TENM2: variants seen among roughly 807,000 people sequenced by gnomAD.
TENM2 encodes the protein teneurin-2.
TENM2 carries 52 observed loss-of-function variants against 245.2 expected under a neutral mutation model. The ratio of observed to expected loss-of-function variants is 0.21; its 90% confidence interval spans 0.17 to 0.27. The LOEUF (loss-of-function observed/expected upper bound fraction) is 0.27. Among genes scored for constraint, TENM2 ranks in the 10% least tolerant of loss-of-function variants. The pLI, the probability that TENM2 is intolerant of heterozygous loss-of-function variation, is 1.00. For synonymous variants in TENM2, 1,363 were observed against 1,438.9 expected, an observed-to-expected ratio of 0.95 and a Z score of 1.19; for missense variants, 3,046 against 3,666.8, an observed-to-expected ratio of 0.83 and a Z score of 4.37.
At chr5:167,936,715 C>T (rs543016957) in intron 3 of TENM2, among the ~76,000 whole-genome samples, 1 of 152,292 alleles carries the variant, frequency 6.6e-6, no homozygotes, top group African/African-American at 2.4e-5. Flanking sequence ...AACACAAATA[C>T]AGGTTTCTGG....
intron 5 of TENM2, among the ~76,000 whole-genome samples, chr5:168,036,424 G>C (rs920270835): frequency 1.3e-5 from 2 of 151,860 alleles, no homozygotes; most frequent in Non-Finnish European, 2.9e-5. Flanking sequence ...ATCACCTGAG[G>C]TCAGGAGTTT....
intron 12 of TENM2, chr5:168,129,682 C>T (rs1754396626): frequency 6.6e-6 from 1 of 152,212 alleles, no homozygotes; most frequent in Non-Finnish European, 1.5e-5. Context: ...TTTAGCTTTT[C>T]TATCTCCGGC....
chr5:167,618,244 T>A (rs1777921027), intron 2 of TENM2, among the ~76,000 whole-genome samples: 1 of 152,116 alleles, frequency 6.6e-6, no homozygotes. Flanking sequence ...GAACCACTTG[T>A]CCAGGGTCAC....
intron 2 of TENM2, among the ~76,000 whole-genome samples, chr5:167,433,206 G>T (rs1353185528): frequency 1.3e-5 from 2 of 151,560 alleles, no homozygotes; most frequent in African/African-American, 4.9e-5. Flanking sequence ...ACTTTGACCT[G>T]AAAATGAATT....
At chr5:167,515,901 A>G (rs905654351) in intron 2 of TENM2, among the ~76,000 whole-genome samples, 1 of 151,928 alleles carries the variant, frequency 6.6e-6, no homozygotes. Context: ...TTTCTTGTTA[A>G]TTACACTCAT....
At chr5:167,195,000 A>G in the TENM2 span, among the ~76,000 whole-genome samples, 5 of 151,990 alleles carry the variant, frequency 3.3e-5, no homozygotes, top group Non-Finnish European at 7.4e-5. Context: ...GGGCTTAACT[A>G]TTGTAGAGAA....
intron 2 of TENM2, among the ~76,000 whole-genome samples, chr5:167,601,761 A>G (rs1382402200): frequency 6.6e-6 from 1 of 152,232 alleles, no homozygotes; most frequent in Non-Finnish European, 1.5e-5. Context: ...GTTGATTAAT[A>G]TAATTTATTG....
At chr5:167,118,385 CT>C in the TENM2 span, among the ~76,000 whole-genome samples, 1 of 151,988 alleles carries the variant, frequency 6.6e-6, no homozygotes, top group Non-Finnish European at 1.5e-5. Flanking sequence ...ACAAAGAATT[CT>C]ATAAAAAATG....
intron 5 of TENM2, among the ~76,000 whole-genome samples, chr5:168,042,366 T>C (rs1011574750): frequency 5.3e-5 from 8 of 152,162 alleles, no homozygotes; most frequent in South Asian, 2.1e-4. Flanking sequence ...GTGGCCTCCA[T>C]GTTTGCCCTC....
intron 3 of TENM2, chr5:167,938,145 A>G (rs1452922049): frequency 6.6e-6 from 1 of 152,238 alleles, no homozygotes; most frequent in Admixed American, 6.5e-5. Context: ...TTGAAAACAC[A>G]AATGAATCAA....
chr5:167,550,625 A>ACAC (rs1451635788), intron 2 of TENM2, among the ~76,000 whole-genome samples: 1 of 151,488 alleles, frequency 6.6e-6, no homozygotes, highest in African/African-American at 2.4e-5. Flanking sequence ...TACACTGACA[A>ACAC]CACCCCGGAC....
At chr5:167,191,459 C>T in the TENM2 span, among the ~76,000 whole-genome samples, 7 of 152,016 alleles carry the variant, frequency 4.6e-5, no homozygotes, top group East Asian at 1.2e-3. Flanking sequence ...CTCAGGGAGC[C>T]GCTAAGATCT....
At chr5:168,157,582 G>A (rs1214216307) in intron 12 of TENM2, among the ~76,000 whole-genome samples, 1 of 152,116 alleles carries the variant, frequency 6.6e-6, no homozygotes, top group Admixed American at 6.5e-5. Context: ...GCAGTTAAGA[G>A]GAAAATTAGG....
intron 13 of TENM2, among the ~76,000 whole-genome samples, chr5:168,173,823 G>A (rs190024749): frequency 1.3e-5 from 2 of 152,304 alleles, no homozygotes; most frequent in Non-Finnish European, 2.9e-5. Context: ...CACAAGAGAG[G>A]CACTGAAGAC....
rs1464710634 is a variant in TENM2, at chr5:168,247,749, G to A, written c.6810G>A (p.Leu2270=). 1.9e-6 allele frequency: 3 copies of A among 1,613,786 alleles called. No homozygotes were observed. Among genetic ancestry groups the A allele is most frequent in the Non-Finnish European group, 1.7e-6 (2 of 1,179,902 alleles). ...ACAAAATTGACGACGATGGCTATCT[G>A]TGCCAGAGAGGGTCTGACATCTTCG... Residue 2270 remains leucine, a synonymous_variant, in exon 27 of 29, where the codon CTG becomes CTA. Coordinates refer to ENST00000518659, the Ensembl canonical transcript of TENM2. This position sits in a 1 kb window ranked among gnomAD's most constrained non-coding sequence, Gnocchi z 7.8.
In TENM2 at chr5:167,431,729, A is replaced by G. The variant is rs150787619; in HGVS notation, c.502+56256A>G. On this transcript the variant is annotated intron_variant, in intron 2 of 28. Coordinates refer to ENST00000518659, the Ensembl canonical transcript of TENM2. ...AATCATAACTTAGGAATGACAAGAT[A>G]AACTTGTTTTTCCTACCACCCAGTG... is the stretch of plus-strand genomic sequence containing the variant. Among the ~76,000 whole-genome samples, 111 of 151,946 alleles carry G rather than the reference A, an allele frequency of 7.3e-4. No individual in the cohort carries two copies. In the Middle Eastern group the frequency reaches 0.01, roughly 14 times the overall value.
intron 2 of TENM2, among the ~76,000 whole-genome samples, chr5:167,384,910 T>C (rs930244986): frequency 1.3e-5 from 2 of 152,086 alleles, no homozygotes; most frequent in Admixed American, 1.3e-4. Flanking sequence ...GATGATAAAA[T>C]TCAAAAAGCA....
intron 19 of TENM2, among the ~76,000 whole-genome samples, chr5:168,206,848 G>A (rs943836362): frequency 1.2e-4 from 18 of 152,150 alleles, no homozygotes; most frequent in Non-Finnish European, 2.6e-4. Context: ...TCTGGCCCTT[G>A]TAATCTTCCA....
intron 2 of TENM2, among the ~76,000 whole-genome samples, chr5:167,769,907 T>C (rs1364378111): frequency 6.6e-6 from 1 of 151,416 alleles, no homozygotes; most frequent in East Asian, 1.9e-4. Context: ...TGAAGTTTGC[T>C]AGTTTTTTTT....
Sources: allele counts gnomAD v4.1 joint callset (sites outside exome capture counted in the v4.1 genomes callset), GRCh38; gene constraint gnomAD v4.1.1; non-coding constraint Gnocchi (gnomAD v3.1); transcripts MANE v1.5; gene names NCBI Gene and HGNC (gene_info 2026-07-23, HGNC 2026-07-21).